Variants in SMAP1 observed in about 807,000 individuals in gnomAD.
SMAP1 encodes stromal membrane-associated protein 1.
Under a neutral mutation model 58.5 loss-of-function variants are expected in SMAP1, and 24 were observed. The observed-to-expected ratio is 0.41, with a 90% CI of 0.30 to 0.58. SMAP1 has a LOEUF of 0.58. SMAP1 is among the 20% of genes least tolerant of loss of function. The pLI is 0.29. For missense variants in SMAP1, 563 were observed against 566.3 expected (o/e 0.99, Z 0.06); for synonymous variants, 216 against 196.6 (o/e 1.10, Z -0.82).
At chr6:70,753,157 C>T (rs192056259) in intron 2 of SMAP1, among the ~76,000 whole-genome samples, 12 of 151,464 alleles carry the variant, frequency 7.9e-5, no homozygotes, top group African/African-American at 2.9e-4. Flanking sequence ...ATCCACTTTA[C>T]GGACCAATAA....
At chr6:70,779,917 T>C (rs1296811403) in intron 4 of SMAP1, among the ~76,000 whole-genome samples, 1 of 152,170 alleles carries the variant, frequency 6.6e-6, no homozygotes, top group African/African-American at 2.4e-5. Context: ...AGTAAATCAG[T>C]TGCTTGCAGA....
intron 9 of SMAP1, 42 bp downstream of exon 9, chr6:70,857,072 G>A (rs201417631): frequency 7.2e-6 from 11 of 1,522,810 alleles, no homozygotes; most frequent in African/African-American, 6.9e-5. Context: ...ATTACTAGAA[G>A]TACATCCTTT....
intron 7 of SMAP1, among the ~76,000 whole-genome samples, chr6:70,851,817 C>A (rs1771195593): frequency 6.6e-6 from 1 of 152,172 alleles, no homozygotes; most frequent in Non-Finnish European, 1.5e-5. Context: ...GTCCCTTTCC[C>A]TGTACATTGC....
intron 6 of SMAP1, among the ~76,000 whole-genome samples, chr6:70,811,719 C>T (rs1769396434): frequency 6.6e-6 from 1 of 152,178 alleles, no homozygotes; most frequent in Non-Finnish European, 1.5e-5. Context: ...AGTACAATGC[C>T]TGCAGATCCC....
At chr6:70,714,891 CA>C (rs1768202538) in intron 1 of SMAP1, among the ~76,000 whole-genome samples, 1 of 151,966 alleles carries the variant, frequency 6.6e-6, no homozygotes, top group African/African-American at 2.4e-5. Flanking sequence ...TCTTGGCTGA[CA>C]ATTTTTTTTT....
chr6:70,711,004 C>T (rs901378751), intron 1 of SMAP1, among the ~76,000 whole-genome samples: 12 of 152,128 alleles, frequency 7.9e-5, no homozygotes, highest in Non-Finnish European at 1.5e-4. Context: ...GGCAATAACA[C>T]ACATGGAGCT....
chr6:70,859,021 CT>C (rs1771572456), intron 10 of SMAP1: 1 of 203,826 alleles, frequency 4.9e-6, no homozygotes, highest in African/African-American at 2.3e-5. Context: ...TCCTTTTACA[CT>C]TCCCATTGAT....
At chr6:70,746,160 T>G (rs1420050943) in intron 2 of SMAP1, among the ~76,000 whole-genome samples, 1 of 152,184 alleles carries the variant, frequency 6.6e-6, no homozygotes, top group African/African-American at 2.4e-5. Flanking sequence ...TGAATACCCT[T>G]TATTTCTTTC....
At chr6:70,834,308 A>G (rs1770479084) in intron 6 of SMAP1, among the ~76,000 whole-genome samples, 1 of 151,528 alleles carries the variant, frequency 6.6e-6, no homozygotes, top group Non-Finnish European at 1.5e-5. Context: ...ATAGGAAGGA[A>G]TTCCTCACAA....
intron 3 of SMAP1, among the ~76,000 whole-genome samples, chr6:70,769,835 T>G (rs970702718): frequency 6.6e-5 from 10 of 152,318 alleles, no homozygotes; most frequent in Non-Finnish European, 1.0e-4. Context: ...TTGATGCAGT[T>G]TCTTCCTAGC....
chr6:70,710,302 C>T (rs921879095), intron 1 of SMAP1, among the ~76,000 whole-genome samples: 4 of 151,858 alleles, frequency 2.6e-5, no homozygotes, highest in African/African-American at 9.7e-5. Flanking sequence ...ACCATCCTGG[C>T]CAACATGGTG....
chr6:70,756,504 A>G (rs902745492), intron 3 of SMAP1, among the ~76,000 whole-genome samples: 2 of 152,108 alleles, frequency 1.3e-5, no homozygotes, highest in Non-Finnish European at 2.9e-5. Flanking sequence ...TAGAAGGTTC[A>G]TTTCAGGTAT....
intron 1 of SMAP1, among the ~76,000 whole-genome samples, chr6:70,678,568 A>G (rs1404181849): frequency 1.3e-5 from 2 of 152,218 alleles, no homozygotes; most frequent in East Asian, 1.9e-4. Flanking sequence ...CTATTAAAAA[A>G]TCCTACAAAC....
At chr6:70,668,661 T>C (rs1387101001) in intron 1 of SMAP1, 1 of 1,535,890 alleles carries the variant, frequency 6.5e-7, no homozygotes, top group East Asian at 2.4e-5. Flanking sequence ...ACCTGACAGC[T>C]TTTGTACAAG....
intron 4 of SMAP1, among the ~76,000 whole-genome samples, chr6:70,789,372 G>GT (rs1310295782): frequency 2.0e-5 from 3 of 151,346 alleles, no homozygotes; most frequent in Middle Eastern, 3.4e-3. Context: ...TGACTGATCT[G>GT]TTTTTTTTAA....
At chr6:70,713,015 A>C (rs889497034) in intron 1 of SMAP1, among the ~76,000 whole-genome samples, 1 of 149,582 alleles carries the variant, frequency 6.7e-6, no homozygotes, top group Non-Finnish European at 1.5e-5. Flanking sequence ...CTGGTCTTGA[A>C]CTCCTGACCT....
chr6:70,719,259 A>G (rs776053882), intron 1 of SMAP1, among the ~76,000 whole-genome samples: 5 of 152,232 alleles, frequency 3.3e-5, no homozygotes, highest in Non-Finnish European at 7.3e-5. Context: ...TGTATTTTCA[A>G]ATGAAGAAAC....
At chr6:70,737,672 C>T (rs147097699) in intron 2 of SMAP1, among the ~76,000 whole-genome samples, 45 of 152,248 alleles carry the variant, frequency 3.0e-4, no homozygotes, top group African/African-American at 1.1e-3. Flanking sequence ...TGGTGGCTTC[C>T]ACTATGCTAG....
chr6:70,689,996 C>T (rs567410471), intron 1 of SMAP1, among the ~76,000 whole-genome samples: 59 of 152,232 alleles, frequency 3.9e-4, no homozygotes, highest in African/African-American at 1.3e-3. Context: ...TTATCATCCT[C>T]GAATAAAGGC....
Sources: allele counts gnomAD v4.1 joint callset (sites outside exome capture counted in the v4.1 genomes callset), GRCh38; gene constraint gnomAD v4.1.1; transcripts MANE v1.5; gene names NCBI Gene and HGNC (gene_info 2026-07-23, HGNC 2026-07-21).